ZNG1A: variants seen among roughly 807,000 people sequenced by gnomAD.
The protein encoded by ZNG1A is zinc-regulated GTPase metalloprotein activator 1A.
chr9:149,715 G>T, the ZNG1A span, among the ~76,000 whole-genome samples: 5 of 150,308 alleles, frequency 3.3e-5, no homozygotes, highest in African/African-American at 1.0e-4. Flanking sequence ...GCTATGAAAT[G>T]CATAGTAGGC....
At chr9:166,117 T>C in the ZNG1A span, 1 of 128,768 alleles carries the variant, frequency 7.8e-6, no homozygotes, top group Admixed American at 7.9e-5. Flanking sequence ...CAGGTCACAT[T>C]CTAGGGCTCA....
chr9:160,103 A>C, the ZNG1A span: 1 of 454,768 alleles, frequency 2.2e-6, no homozygotes, highest in South Asian at 1.6e-5. Flanking sequence ...AAGTCCTCAG[A>C]ATAGAGAGCT....
the ZNG1A span, among the ~76,000 whole-genome samples, chr9:133,916 GCT>G: frequency 6.8e-6 from 1 of 146,582 alleles, no homozygotes; most frequent in Non-Finnish European, 1.5e-5. Context: ...TTCATTCGAG[GCT>G]CTATGGATGG....
At chr9:131,774 T>C in the ZNG1A span, among the ~76,000 whole-genome samples, 1 of 149,634 alleles carries the variant, frequency 6.7e-6, no homozygotes, top group Non-Finnish European at 1.5e-5. Flanking sequence ...TTCAGGCCCT[T>C]ATCACACAGT....
the ZNG1A span, among the ~76,000 whole-genome samples, chr9:157,621 A>C: frequency 2.0e-5 from 3 of 150,014 alleles, no homozygotes; most frequent in African/African-American, 7.4e-5. Context: ...TCATCACAGG[A>C]TACTATATTT....
chr9:154,591 G>A, the ZNG1A span: 11 of 723,226 alleles, frequency 1.5e-5, no homozygotes, highest in African/African-American at 7.2e-5. Flanking sequence ...ATTCCCTAAC[G>A]TTCTTGAAGC....
chr9:170,319 A>C, the ZNG1A span, among the ~76,000 whole-genome samples: 1 of 150,908 alleles, frequency 6.6e-6, no homozygotes, highest in African/African-American at 2.5e-5. Flanking sequence ...AGATCCCTGG[A>C]ATAAAATGTA....
chr9:153,617 C>T, the ZNG1A span: 1 of 151,918 alleles, frequency 6.6e-6, no homozygotes, highest in Non-Finnish European at 1.5e-5. Context: ...CGCAACAATA[C>T]CTACCCTCCA....
the ZNG1A span, among the ~76,000 whole-genome samples, chr9:163,020 T>C: frequency 2.0e-5 from 3 of 151,710 alleles, no homozygotes; most frequent in African/African-American, 7.3e-5. Context: ...AATCTCTGAA[T>C]ATATGCTGAT....
At chr9:162,502 A>G in the ZNG1A span, 1 of 1,571,400 alleles carries the variant, frequency 6.4e-7, no homozygotes, top group Non-Finnish European at 8.7e-7. Context: ...ATCACTTTTT[A>G]AAAAGAATGT....
the ZNG1A span, among the ~76,000 whole-genome samples, chr9:176,782 A>T: frequency 2.0e-5 from 3 of 151,934 alleles, no homozygotes; most frequent in Non-Finnish European, 4.4e-5. Flanking sequence ...CTGAAAGGAA[A>T]GGGTGAATGT....
the ZNG1A span, chr9:150,078 T>C: frequency 6.7e-6 from 1 of 150,286 alleles, no homozygotes; most frequent in African/African-American, 2.4e-5. Context: ...AAAACTTCTA[T>C]AAGAGTGACT....
At chr9:155,687 T>C in the ZNG1A span, among the ~76,000 whole-genome samples, 4 of 152,282 alleles carry the variant, frequency 2.6e-5, no homozygotes, top group Middle Eastern at 3.4e-3. Flanking sequence ...AAATTCACTT[T>C]AGTTCACTGA....
the ZNG1A span, among the ~76,000 whole-genome samples, chr9:177,544 G>C: frequency 4.6e-5 from 7 of 151,886 alleles, no homozygotes; most frequent in Non-Finnish European, 8.8e-5. Context: ...AAAGAAGCCA[G>C]AGAAGCAGGT....
chr9:159,883 G>T, the ZNG1A span: 1 of 350,170 alleles, frequency 2.9e-6, no homozygotes, highest in African/African-American at 2.2e-5. Flanking sequence ...AAAAATTATT[G>T]CATAATGTCA....
chr9:136,923 T>A, the ZNG1A span, among the ~76,000 whole-genome samples: 1 of 148,920 alleles, frequency 6.7e-6, no homozygotes, highest in Non-Finnish European at 1.5e-5. Context: ...AAGCCTGTAG[T>A]CCCAGCTACT....
the ZNG1A span, chr9:166,084 C>G: frequency 7.0e-6 from 1 of 142,112 alleles, no homozygotes; most frequent in Non-Finnish European, 1.5e-5. Context: ...TTAACCATCT[C>G]TTTGCTTTGG....
the ZNG1A span, among the ~76,000 whole-genome samples, chr9:125,221 T>C: frequency 6.6e-6 from 1 of 151,146 alleles, no homozygotes; most frequent in African/African-American, 2.4e-5. Context: ...ACATCTACTA[T>C]TTTTTTGATT....
chr9:126,842 T>C, the ZNG1A span, among the ~76,000 whole-genome samples: 2 of 152,074 alleles, frequency 1.3e-5, no homozygotes, highest in African/African-American at 4.8e-5. Context: ...ACCTTCCTCT[T>C]AGCACCGCCT....
Sources: gnomAD v4.1 joint callset for allele counts (sites outside exome capture counted in the v4.1 genomes callset) on GRCh38, gnomAD v4.1.1 for gene constraint, MANE v1.5 for transcripts, NCBI Gene and HGNC (gene_info 2026-07-23, HGNC 2026-07-21) for gene names.